The following ZNF529 variants were observed in gnomAD, a reference collection of about 807,000 sequenced individuals.
ZNF529 encodes the protein zinc finger protein 529.
A neutral mutation model predicts 10.1 loss-of-function variants in ZNF529; 11 were observed. The observed-to-expected ratio is 1.09, with a 90% CI of 0.69 to 1.81. The LOEUF is 1.81. ZNF529 is among the 40% of genes most tolerant of loss of function. ZNF529 has a pLI of 0.00. For synonymous variants in ZNF529, 204 were observed against 215.7 expected (o/e 0.95, Z 0.47); for missense variants, 624 against 666.8 (o/e 0.94, Z 0.71).
chr19:36,574,813 AT>A (rs2036274635), upstream of ZNF529: 1 of 471,060 alleles, frequency 2.1e-6, no homozygotes, highest in Non-Finnish European at 4.4e-6. Flanking sequence ...CATTTGGCAT[AT>A]TTACAGGTTT....
At chr19:36,593,831 G>T (rs2036780557) in intron 1 of ZNF529, 2 of 152,166 alleles carry the variant, frequency 1.3e-5, no homozygotes, top group Non-Finnish European at 2.9e-5. Context: ...TTCCTCAGGG[G>T]TCCTCTCTTT....
intron 2 of ZNF529, among the ~76,000 whole-genome samples, chr19:36,584,798 A>T (rs965149074): frequency 2.0e-5 from 3 of 152,068 alleles, no homozygotes; most frequent in African/African-American, 7.2e-5. Context: ...ATGTACCTAC[A>T]GCATTCTAAG....
At chr19:36,560,279 AAAGAG>A (rs2035637636) in intron 2 of ZNF529, among the ~76,000 whole-genome samples, 1 of 144,244 alleles carries the variant, frequency 6.9e-6, no homozygotes, top group Admixed American at 6.9e-5. Flanking sequence ...AAAAAAAAAA[AAAGAG>A]AAGCAAGCCA....
chr19:36,545,558 G>T lies in ZNF529; in HGVS notation c.*1308C>A, dbSNP rs764538046. ...AAGAAAAAAAATCCAATAACCAGTG[G>T]CTCGTGATCTCATTGACTGCATAAC... On this transcript the variant is annotated 3_prime_UTR_variant, in exon 5 of 5. Transcript: ENST00000591340. 1 of 152,126 alleles carries T rather than the reference G, an allele frequency of 6.6e-6. No individual in the cohort carries two copies. Among genetic ancestry groups the T allele is most frequent in the Non-Finnish European group, 1.5e-5 (1 of 68,062 alleles). 9.4% of individuals were successfully genotyped at this position (152,126 alleles called of 1,614,324 possible).
At chr19:36,590,033 C>T (rs1014062267) in intron 1 of ZNF529, among the ~76,000 whole-genome samples, 8 of 152,030 alleles carry the variant, frequency 5.3e-5, no homozygotes, top group Non-Finnish European at 7.4e-5. Flanking sequence ...AAAGGGAAAA[C>T]GAAAATAGTT....
chr19:36,570,612 T>C (rs909881316), intron 2 of ZNF529, among the ~76,000 whole-genome samples: 1 of 152,200 alleles, frequency 6.6e-6, no homozygotes, highest in Non-Finnish European at 1.5e-5. Context: ...TTCATTGTAA[T>C]GAAGAATAAC....
chr19:36,602,954 G>A (rs374153939), intron 1 of ZNF529, among the ~76,000 whole-genome samples: 135 of 143,632 alleles, frequency 9.4e-4, no homozygotes, highest in African/African-American at 3.3e-3. Flanking sequence ...AAAAAAACAC[G>A]TGATGCGGCC....
At chr19:36,604,391 A>G (rs1197707126) in intron 1 of ZNF529, among the ~76,000 whole-genome samples, 1 of 152,164 alleles carries the variant, frequency 6.6e-6, no homozygotes, top group Non-Finnish European at 1.5e-5. Context: ...CAAATATCCA[A>G]CTTTCTTTTC....
intron 2 of ZNF529, among the ~76,000 whole-genome samples, chr19:36,568,794 C>T (rs760833727): frequency 1.3e-5 from 2 of 152,110 alleles, no homozygotes; most frequent in Non-Finnish European, 2.9e-5. Flanking sequence ...TAAAAGGCTG[C>T]ACAGCTCAGA....
intron 3 of ZNF529, 21 bp from the exon 4 acceptor site, chr19:36,554,817 A>C (rs756055416): frequency 6.6e-6 from 10 of 1,507,788 alleles, no homozygotes; most frequent in Non-Finnish European, 8.9e-6. Flanking sequence ...AAACCCGTAC[A>C]TTACAGGTAA....
At chr19:36,550,033 G>C (rs2035199304) in intron 4 of ZNF529, among the ~76,000 whole-genome samples, 1 of 152,186 alleles carries the variant, frequency 6.6e-6, no homozygotes, top group Non-Finnish European at 1.5e-5. Context: ...ATTTTATGGA[G>C]ATCATCTGGA....
At chr19:36,558,942 A>C (rs1311539271) in intron 2 of ZNF529, among the ~76,000 whole-genome samples, 15 of 151,762 alleles carry the variant, frequency 9.9e-5, no homozygotes, top group Admixed American at 9.8e-4. Context: ...ATAGCAAAAA[A>C]AAAAATCCAA....
At position 36,585,206 on chromosome 19, in the gene ZNF529, A is replaced by G. The variant is rs145513968; in HGVS notation, c.-41+4409T>C. The stretch of plus-strand genomic sequence containing the variant: ...ACATGGAGGAAAGAATTAAAGACTC[A>G]GGCCTATCAGTTTCCACTCCCTGCC... On this transcript the variant is annotated intron_variant, in intron 2 of 4. Coordinates refer to the ZNF529 transcript ENST00000585960. Among the ~76,000 whole-genome samples, 31 of 152,358 alleles carry G rather than the reference A, an allele frequency of 2.0e-4. No homozygotes were observed. The East Asian group carries it at 6.0e-3, about 29-fold the overall frequency.
chr19:36,547,928 T>G lies in ZNF529; in HGVS notation c.630A>C (p.Ile210=), dbSNP rs1211747478. The change falls in exon 5 of 5, where the codon ATA becomes ATC. Residue 210 remains isoleucine, a synonymous_variant. Transcript: ENST00000591340. The part of the protein sequence containing the change: ...ECNQCWKTFG[I]DNSSMLQLNI... ...TCAGTTGTAACATACTGGAGTTATC[T>G]ATCCCAAAGGTTTTCCAACATTGAT... 13 of 1,612,592 alleles carry G rather than the reference T, an allele frequency of 8.1e-6. No individual in the cohort carries two copies. Among genetic ancestry groups the G allele is most frequent in the Non-Finnish European group, 1.1e-5 (13 of 1,179,466 alleles).
chr19:36,562,238 G>T (rs1268077746), intron 2 of ZNF529, among the ~76,000 whole-genome samples: 1 of 151,956 alleles, frequency 6.6e-6, no homozygotes, highest in Non-Finnish European at 1.5e-5. Flanking sequence ...AGAAATGTCT[G>T]CCTTATTCCA....
chr19:36,581,506 G>A (rs1442982172), intron 2 of ZNF529: 1 of 152,210 alleles, frequency 6.6e-6, no homozygotes, highest in Non-Finnish European at 1.5e-5. Flanking sequence ...TAAACAAAAT[G>A]TGGTAATATG....
At chr19:36,555,155 G>A (rs1194538752) in intron 3 of ZNF529, among the ~76,000 whole-genome samples, 1 of 152,114 alleles carries the variant, frequency 6.6e-6, no homozygotes, top group African/African-American at 2.4e-5. Flanking sequence ...TCATTCCCCT[G>A]TACAGGAGAA....
At chr19:36,572,494 C>T (rs1436688565) in intron 1 of ZNF529, 102 bp from the exon 2 acceptor site, 2 of 873,608 alleles carry the variant, frequency 2.3e-6, no homozygotes, top group Non-Finnish European at 3.6e-6. Context: ...AACAAACACA[C>T]CCAGATCGAA....
intron 4 of ZNF529, among the ~76,000 whole-genome samples, chr19:36,553,776 C>T (rs919914132): frequency 2.6e-5 from 4 of 152,034 alleles, no homozygotes; most frequent in African/African-American, 7.3e-5. Context: ...TTGTACATGC[C>T]GAATCTACAA....
Sources: allele counts gnomAD v4.1 joint callset (sites outside exome capture counted in the v4.1 genomes callset), GRCh38; gene constraint gnomAD v4.1.1; transcripts MANE v1.5; gene names NCBI Gene and HGNC (gene_info 2026-07-23, HGNC 2026-07-21).